Variants in NOL4 observed in about 807,000 individuals in gnomAD.
NOL4 encodes nucleolar protein 4.
Under a neutral mutation model 75.9 loss-of-function variants are expected in NOL4, and 17 were observed. The ratio of observed to expected loss-of-function variants is 0.22; its 90% CI spans 0.15 to 0.34. The LOEUF (loss-of-function observed/expected upper bound fraction) is 0.34, where lower values mean the gene tolerates loss of function less well. NOL4 is among the 10% of genes least tolerant of loss of function. The pLI is 1.00. For synonymous variants in NOL4, 292 were observed against 289.9 expected, an observed-to-expected ratio of 1.01 and a Z score of -0.07; for missense variants, 614 against 793.5, an observed-to-expected ratio of 0.77 and a Z score of 2.72.
At chr18:34,088,024 A>C (rs1054124398) in intron 5 of NOL4, among the ~76,000 whole-genome samples, 1 of 151,808 alleles carries the variant, frequency 6.6e-6, no homozygotes. Context: ...ATATATATAA[A>C]TTGTTGCAAT....
intron 1 of NOL4, among the ~76,000 whole-genome samples, chr18:34,189,965 G>A (rs1288985775): frequency 2.0e-5 from 3 of 150,002 alleles, no homozygotes; most frequent in African/African-American, 7.3e-5. Flanking sequence ...AATTCCAATA[G>A]TAGAGAAAGT....
chr18:33,953,847 G>C (rs1303091385), intron 8 of NOL4, among the ~76,000 whole-genome samples: 1 of 152,142 alleles, frequency 6.6e-6, no homozygotes, highest in Non-Finnish European at 1.5e-5. Context: ...TGTAATTGTG[G>C]TTAGGGTGAT....
intron 5 of NOL4, among the ~76,000 whole-genome samples, chr18:34,090,937 T>G (rs2078486662): frequency 6.6e-6 from 1 of 152,122 alleles, no homozygotes; most frequent in Non-Finnish European, 1.5e-5. Context: ...CATGGTTGAA[T>G]GTTTCTGTCC....
chr18:34,178,201 T>C (rs540654974), intron 1 of NOL4, among the ~76,000 whole-genome samples: 1 of 151,700 alleles, frequency 6.6e-6, no homozygotes, highest in African/African-American at 2.4e-5. Flanking sequence ...AAGATATTAA[T>C]GGTAATCCCC....
intron 5 of NOL4, among the ~76,000 whole-genome samples, chr18:34,073,207 A>G (rs114426243): frequency 7.9e-5 from 12 of 152,072 alleles, no homozygotes; most frequent in Admixed American, 6.5e-4. Context: ...AGAAAAATAC[A>G]TCAATTACCA....
At chr18:34,217,080 G>A (rs1008947559) in intron 1 of NOL4, among the ~76,000 whole-genome samples, 20 of 151,688 alleles carry the variant, frequency 1.3e-4, no homozygotes, top group Non-Finnish European at 2.1e-4. Context: ...ATTAGCTTAC[G>A]GTGATTATAT....
chr18:33,951,668 T>TGA (rs776359346), intron 8 of NOL4, among the ~76,000 whole-genome samples: 45 of 152,292 alleles, frequency 3.0e-4, no homozygotes, highest in Non-Finnish European at 5.3e-4. Flanking sequence ...TTCCTGTGGG[T>TGA]AACTTACATA....
intron 5 of NOL4, among the ~76,000 whole-genome samples, chr18:34,078,180 A>G (rs935573545): frequency 3.3e-5 from 5 of 152,132 alleles, no homozygotes; most frequent in Non-Finnish European, 5.9e-5. Context: ...ATAAATAAAT[A>G]CTTGTATTTA....
rs565255560 is a variant in NOL4, at chr18:34,126,253, A to G, written c.414+3618T>C. Reference sequence around the variant, plus strand: ...ATCATTATCCACCATATAAAGAAAAAGAGTAAATAATTTGCCAAAAGTGGC... The same window carrying G: ...ATCATTATCCACCATATAAAGAAAAGGAGTAAATAATTTGCCAAAAGTGGC... On this transcript the variant is annotated intron_variant, in intron 2 of 10. Transcript: ENST00000261592. Among the ~76,000 whole-genome samples the G allele has an allele frequency of 5.3e-5, 8 of 152,298 alleles. No homozygotes were observed. In the South Asian group the frequency reaches 1.7e-3, roughly 32 times the overall value.
At chr18:34,190,073 T>TACAC (rs35291144) in intron 1 of NOL4, among the ~76,000 whole-genome samples, 16 of 149,410 alleles carry the variant, frequency 1.1e-4, no homozygotes, top group South Asian at 2.1e-4. Flanking sequence ...TACATATACA[T>TACAC]ACACACACAC....
At chr18:34,030,968 C>G (rs1006279915) in intron 5 of NOL4, among the ~76,000 whole-genome samples, 2 of 151,342 alleles carry the variant, frequency 1.3e-5, no homozygotes, top group Non-Finnish European at 2.9e-5. Flanking sequence ...ATAGGGAGAA[C>G]AAGTCATGGT....
chr18:33,944,897 A>C (rs1224137471), intron 8 of NOL4, among the ~76,000 whole-genome samples: 1 of 151,922 alleles, frequency 6.6e-6, no homozygotes, highest in African/African-American at 2.4e-5. Flanking sequence ...CTATAAAATC[A>C]GTCTCATTAA....
At chr18:33,933,614 C>T (rs2067847688) in intron 9 of NOL4, among the ~76,000 whole-genome samples, 1 of 152,116 alleles carries the variant, frequency 6.6e-6, no homozygotes, top group Non-Finnish European at 1.5e-5. Context: ...GCAGTGGATT[C>T]TATCTCAAGA....
In NOL4 at chr18:34,087,149, A is replaced by T. The variant is rs2078280687; in HGVS notation, c.772+6316T>A. 3.3e-5 allele frequency among the ~76,000 whole-genome samples: 5 copies of T among 152,236 alleles called. No individual in the cohort carries two copies. The South Asian group carries it at 1.0e-3, about 32-fold the overall frequency. On this transcript the variant is annotated intron_variant, in intron 5 of 10. Coordinates refer to ENST00000261592, the MANE Select transcript of NOL4 (RefSeq NM_003787.5). The stretch of plus-strand genomic sequence containing the variant: ...TGGTTCCCATACTTACATCCCACAC[A>T]ATTGTCTTAGTCATCCCATCTGAGA...
At chr18:34,025,447 C>T (rs1047554935) in intron 5 of NOL4, among the ~76,000 whole-genome samples, 1 of 152,178 alleles carries the variant, frequency 6.6e-6, no homozygotes, top group Non-Finnish European at 1.5e-5. Context: ...GCTGAAGTCA[C>T]TATCAGTTTT....
At chr18:34,103,842 C>A (rs1161684316) in intron 4 of NOL4, among the ~76,000 whole-genome samples, 1 of 151,992 alleles carries the variant, frequency 6.6e-6, no homozygotes, top group African/African-American at 2.4e-5. Context: ...CCACATAACA[C>A]TAAGACAGAG....
At chr18:33,880,160 T>C (rs1359978095) in intron 10 of NOL4, among the ~76,000 whole-genome samples, 1 of 152,088 alleles carries the variant, frequency 6.6e-6, no homozygotes, top group Non-Finnish European at 1.5e-5. Flanking sequence ...TTTTCTAGTA[T>C]TTTTATCATA....
chr18:34,207,471 A>G (rs1462384746), intron 1 of NOL4, among the ~76,000 whole-genome samples: 3 of 152,194 alleles, frequency 2.0e-5, no homozygotes, highest in Non-Finnish European at 4.4e-5. Flanking sequence ...CCTTGCATAC[A>G]TGCAACTCAG....
chr18:34,039,463 G>T (rs2076050097), intron 5 of NOL4, among the ~76,000 whole-genome samples: 1 of 151,954 alleles, frequency 6.6e-6, no homozygotes, highest in Non-Finnish European at 1.5e-5. Context: ...CAGCTCTGCA[G>T]ACATTTGCAG....
Sources: gnomAD v4.1 joint callset for allele counts (sites outside exome capture counted in the v4.1 genomes callset) on GRCh38, gnomAD v4.1.1 for gene constraint, MANE v1.5 for transcripts, NCBI Gene and HGNC (gene_info 2026-07-23, HGNC 2026-07-21) for gene names.